The following DNA2 variants were observed in gnomAD, a reference collection of about 807,000 sequenced individuals.
DNA2 encodes DNA replication helicase/nuclease 2.
A neutral mutation model predicts 119.1 loss-of-function variants in DNA2; 101 were observed. The ratio of observed to expected loss-of-function variants is 0.85; its 90% CI spans 0.72 to 1.00. DNA2 has a LOEUF of 1.00. DNA2 is among the 50% of genes least tolerant of loss of function. DNA2 has a pLI of 0.00. For missense variants in DNA2, 1,121 were observed against 1,255.5 expected, an observed-to-expected ratio of 0.89 and a Z score of 1.62; for synonymous variants, 366 against 424.4, an observed-to-expected ratio of 0.86 and a Z score of 1.69.
rs369018277 is a variant in DNA2, at chr10:68,422,317, C to T, written c.2605G>A (p.Glu869Lys). The change falls in exon 17 of 21, where the codon GAA (glutamate) becomes AAA (lysine). Residue 869 changes from glutamate (E) to lysine (K), a missense_variant. Transcript: ENST00000358410. Reference sequence around the variant, plus strand: ...GAATAGTCAGCATAAAATTCCAGTTCCAGCTTCACATCTTTAAAGTGACGT... The same window carrying T: ...GAATAGTCAGCATAAAATTCCAGTTTCAGCTTCACATCTTTAAAGTGACGT... ...NLRHFKDVKL[E>K]LEFYADYSDN... 32 of 1,613,760 alleles carry T rather than the reference C, an allele frequency of 2.0e-5. No individual in the cohort carries two copies. The highest frequency in any genetic ancestry group is 2.5e-5 in the Non-Finnish European group (30 of 1,179,878).
At chr10:68,430,348 G>T in intron 14 of DNA2, 88 bp downstream of exon 14, 1 of 903,994 alleles carries the variant, frequency 1.1e-6, no homozygotes, top group Non-Finnish European at 1.7e-6. Flanking sequence ...TCCAGTCAAT[G>T]TGACTAAATT....
chr10:68,452,846 A>C (rs1217648358), intron 5 of DNA2, among the ~76,000 whole-genome samples: 2 of 149,216 alleles, frequency 1.3e-5, no homozygotes, highest in Non-Finnish European at 3.0e-5. Flanking sequence ...CGCCTCCCAA[A>C]GTGCTGGGAT....
At position 68,416,786 on chromosome 10, in the gene DNA2, G is replaced by A. The variant is rs532598495; in HGVS notation, c.3037C>T (p.Leu1013Phe). ...TTTAGTGAGGGCACACACCCCAGAA[G>A]AATCAGTTTATGTTTGGCTCTGGTT... is the stretch of plus-strand genomic sequence containing the variant. ...AITRAKHKLI[L>F]LGCVPSLNCY... Residue 1013 changes from leucine to phenylalanine, a missense_variant, in exon 20 of 21, where the codon CTT (leucine) becomes TTT (phenylalanine). Physicochemically the swap from Leu to Phe is conservative, Grantham distance 22. Transcript: ENST00000358410. 1.2e-5 allele frequency: 20 copies of A among 1,613,880 alleles called. No homozygotes were observed. In the South Asian group the frequency reaches 1.4e-4, roughly 12 times the overall value.
chr10:68,471,647 G>A (rs1590080396), intron 1 of DNA2, 144 bp downstream of exon 1: 2 of 990,038 alleles, frequency 2.0e-6, no homozygotes, highest in South Asian at 1.9e-5. Context: ...CCCCGACTCC[G>A]GAGGCTCGTC....
At chr10:68,466,757 T>C (rs568073080) in intron 3 of DNA2, among the ~76,000 whole-genome samples, 9 of 152,194 alleles carry the variant, frequency 5.9e-5, no homozygotes, top group South Asian at 2.1e-4. Flanking sequence ...TTTTTTGTAT[T>C]TTTAATAGAG....
At position 68,422,785 on chromosome 10, in the gene DNA2, A is replaced by C. The variant is rs750156670; in HGVS notation, c.2314T>G (p.Cys772Gly). The change falls in exon 15 of 21, where the codon TGT (cysteine) becomes GGT (glycine). Residue 772 changes from cysteine (C) to glycine (G), a missense_variant. Transcript: ENST00000358410. ...DEASQISQPI[C>G]LGPLFFSRRF... ...CGTGAAAAAAAAAGGGGGCCCAGAC[A>C]AATTGGTTGGCTAATTTGAGAGGCT... 2 of 1,610,664 alleles carry C rather than the reference A, an allele frequency of 1.2e-6. No homozygotes were observed. Among genetic ancestry groups the C allele is most frequent in the Non-Finnish European group, 1.7e-6 (2 of 1,179,250 alleles).
intron 14 of DNA2, among the ~76,000 whole-genome samples, chr10:68,424,276 G>A (rs1347876198): frequency 6.6e-6 from 1 of 152,138 alleles, no homozygotes; most frequent in Non-Finnish European, 1.5e-5. Context: ...GGCCAAGGTG[G>A]GCAGATTGCT....
At chr10:68,472,310 C>T (rs534385951), upstream of DNA2, among the ~76,000 whole-genome samples, 1 of 152,190 alleles carries the variant, frequency 6.6e-6, no homozygotes, top group Non-Finnish European at 1.5e-5. Flanking sequence ...TTGCCCAAAA[C>T]CAGGCGCCCC....
At chr10:68,462,302 T>A (rs566397054) in intron 4 of DNA2, among the ~76,000 whole-genome samples, 47 of 151,976 alleles carry the variant, frequency 3.1e-4, no homozygotes, top group Non-Finnish European at 6.3e-4. Flanking sequence ...ACCCAGGAGG[T>A]GGAGGTTGCA....
At chr10:68,464,001 G>A (rs1184322845) in intron 4 of DNA2, among the ~76,000 whole-genome samples, 1 of 152,140 alleles carries the variant, frequency 6.6e-6, no homozygotes, top group African/African-American at 2.4e-5. Context: ...AAGCCAGAAA[G>A]CAACTGCTAA....
intron 7 of DNA2, 24 bp downstream of exon 7, chr10:68,446,272 A>C (rs759601984): frequency 7.2e-7 from 1 of 1,396,204 alleles, no homozygotes; most frequent in Non-Finnish European, 9.8e-7. Context: ...CAAAGAAGTA[A>C]AACTAAAAAA....
chr10:68,428,188 G>A (rs531584280), intron 14 of DNA2, among the ~76,000 whole-genome samples: 32 of 152,104 alleles, frequency 2.1e-4, no homozygotes, highest in Admixed American at 1.5e-3. Context: ...TTAGCTGGGC[G>A]TGGTGGCAGG....
At chr10:68,448,970 T>TGC (rs1430787529) in intron 6 of DNA2, among the ~76,000 whole-genome samples, 17 of 140,336 alleles carry the variant, frequency 1.2e-4, no homozygotes, top group Non-Finnish European at 1.4e-4. Flanking sequence ...TGTGTGTGCG[T>TGC]GTGTGTGTGT....
In DNA2 at chr10:68,421,407, T is replaced by C. The variant is rs1484013608; in HGVS notation, c.2697+818A>G. On this transcript the variant is annotated intron_variant, in intron 17 of 20. Transcript: ENST00000358410. ...CCTTCTTCAAAAGTCAATTTTGATA[T>C]CTACTGACCTCCAGAATAAACCTCC... is the stretch of plus-strand genomic sequence containing the variant. Among the ~76,000 whole-genome samples the C allele has an allele frequency of 3.3e-5, 5 of 152,216 alleles. No individual in the cohort carries two copies. In the East Asian group the frequency reaches 9.7e-4, roughly 29 times the overall value.
Position 68,422,751 on chromosome 10 carries a change from A to G in DNA2, c.2348T>C (p.Val783Ala). 1.2e-6 allele frequency: 2 copies of G among 1,611,712 alleles called. No individual in the cohort carries two copies. Among genetic ancestry groups the G allele is most frequent in the South Asian group, 2.2e-5 (2 of 90,508 alleles). ...AAGCTGCTGATGGTCCCCCACTAAC[A>G]CAAATCTCCGTGAAAAAAAAAGGGG... ...LGPLFFSRRFVLVGDHQQLPP... is the reference protein window; with the variant it reads ...LGPLFFSRRFALVGDHQQLPP... Residue 783 changes from valine (V) to alanine (A), a missense_variant, in exon 15 of 21, where the codon GTG becomes GCG. Coordinates refer to ENST00000358410, the MANE Select transcript of DNA2 (RefSeq NM_001080449.3).
rs1266083892 is a variant in DNA2 at position 68,470,116 on chromosome 10, G to A, written c.122C>T (p.Thr41Ile). Residue 41 changes from threonine to isoleucine, a missense_variant, in exon 2 of 21, where the codon ACA (threonine) becomes ATA (isoleucine). By Grantham distance (89) the Thr-to-Ile change is moderately conservative. Transcript: ENST00000358410. ...CACCAGGTACCGGTTATCCATTCCT[G>A]TGCTCAGAACTGTTCTTGGAAAGGA... ...VASFPRTVLSTGMDNRYLVLA... is the reference protein window; with the variant it reads ...VASFPRTVLSIGMDNRYLVLA... 3 of 1,612,906 alleles carry A rather than the reference G, an allele frequency of 1.9e-6. No individual in the cohort carries two copies. The highest frequency in any genetic ancestry group is 1.3e-5 in the African/African-American group (1 of 74,970).
chr10:68,472,089 C>T (rs1433120913), upstream of DNA2: 8 of 1,559,470 alleles, frequency 5.1e-6, no homozygotes, highest in Middle Eastern at 1.7e-4. Context: ...CCTTTGCTCC[C>T]TTGCTTAGGA....
chr10:68,432,885 T>C (rs1043285509), intron 10 of DNA2, among the ~76,000 whole-genome samples: 3 of 152,170 alleles, frequency 2.0e-5, no homozygotes, highest in Non-Finnish European at 4.4e-5. Context: ...CTGTCTTCTA[T>C]CTGTCCCTTA....
intron 17 of DNA2, 23 bp from the exon 18 acceptor site, chr10:68,419,915 T>A (rs2051642821): frequency 2.5e-6 from 4 of 1,594,288 alleles, no homozygotes; most frequent in African/African-American, 1.3e-5. Context: ...ATATACAGCC[T>A]GCTGATAATA....
Sources: allele counts gnomAD v4.1 joint callset (sites outside exome capture counted in the v4.1 genomes callset), GRCh38; gene constraint gnomAD v4.1.1; transcripts MANE v1.5; gene names NCBI Gene and HGNC (gene_info 2026-07-23, HGNC 2026-07-21).